The following NCAPG2 variants were observed in gnomAD, a reference collection of about 807,000 sequenced individuals.
NCAPG2 encodes the protein non-SMC condensin II complex subunit G2, also known as condensin-2 complex subunit G2.
In NCAPG2, 53 loss-of-function variants were observed where a neutral mutation model predicts 141.1. The observed-to-expected ratio is 0.38, with a 90% confidence interval of 0.30 to 0.47. The LOEUF (loss-of-function observed/expected upper bound fraction) is 0.47. NCAPG2 is among the 20% of genes least tolerant of loss of function. NCAPG2 has a pLI of 0.99. For synonymous variants in NCAPG2, 499 were observed against 490.7 expected, an observed-to-expected ratio of 1.02 and a Z score of -0.22; for missense variants, 1,087 against 1,389.0, an observed-to-expected ratio of 0.78 and a Z score of 3.46.
chr7:158,658,972 G>C (rs1832247372), intron 16 of NCAPG2, among the ~76,000 whole-genome samples: 1 of 144,250 alleles, frequency 6.9e-6, no homozygotes, highest in Admixed American at 7.1e-5. Context: ...GAGGTCAACA[G>C]TTAGAGGCTA....
At chr7:158,657,747 G>A (rs1832104995) in intron 17 of NCAPG2, among the ~76,000 whole-genome samples, 1 of 152,182 alleles carries the variant, frequency 6.6e-6, no homozygotes, top group African/African-American at 2.4e-5. Flanking sequence ...GAAATTGGAT[G>A]GTTGCCGTGT....
At chr7:158,644,872 T>C (rs939489316) in intron 26 of NCAPG2, among the ~76,000 whole-genome samples, 1 of 152,238 alleles carries the variant, frequency 6.6e-6, no homozygotes, top group Non-Finnish European at 1.5e-5. Context: ...CCTATCCATT[T>C]AGGCTTACAG....
chr7:158,692,685 G>A (rs1257995329), intron 4 of NCAPG2, among the ~76,000 whole-genome samples, 157 bp downstream of exon 4: 1 of 152,240 alleles, frequency 6.6e-6, no homozygotes, highest in Non-Finnish European at 1.5e-5. Context: ...AGGTTGCGGT[G>A]AGCTGAGATC....
intron 16 of NCAPG2, 55 bp from the exon 17 acceptor site, chr7:158,658,463 G>T (rs143420450): frequency 4.1e-6 from 6 of 1,452,526 alleles, no homozygotes; most frequent in Non-Finnish European, 5.6e-6. Context: ...TATAAATTCT[G>T]AAAGTCTCTC....
intron 27 of NCAPG2, among the ~76,000 whole-genome samples, chr7:158,637,112 T>C (rs1022725500): frequency 2.0e-5 from 3 of 152,008 alleles, no homozygotes; most frequent in Non-Finnish European, 4.4e-5. Flanking sequence ...CATGCCCGGC[T>C]AATTTTTTAT....
At position 158,701,943 on chromosome 7, in the gene NCAPG2, T is replaced by C; in HGVS notation, c.-39-5A>G. The C allele has an allele frequency of 6.7e-7, 1 of 1,484,626 alleles. No homozygotes were observed. Among genetic ancestry groups the C allele is most frequent in the Non-Finnish European group, 9.3e-7 (1 of 1,080,870 alleles). 92.0% of individuals were successfully genotyped at this position (1,484,626 alleles called of 1,614,324 possible). ...AATGGCATTTATTTTGTAACCCTAATGGAAAACACAATCATACTGAAACAC... is the reference window on the plus strand; with the variant it reads ...AATGGCATTTATTTTGTAACCCTAACGGAAAACACAATCATACTGAAACAC... On this transcript the variant is annotated splice_polypyrimidine_tract_variant and splice_region_variant and intron_variant, in intron 1 of 27. Coordinates refer to ENST00000356309, the MANE Select transcript of NCAPG2 (RefSeq NM_017760.7).
chr7:158,662,573 C>T (rs1406461035), intron 15 of NCAPG2, among the ~76,000 whole-genome samples: 1 of 152,228 alleles, frequency 6.6e-6, no homozygotes, highest in Non-Finnish European at 1.5e-5. Context: ...ACTGACTCTA[C>T]ATCCTTTAAA....
At chr7:158,687,557 A>T (rs1398926590) in intron 6 of NCAPG2, 115 bp from the exon 7 acceptor site, 3 of 723,172 alleles carry the variant, frequency 4.1e-6, no homozygotes, top group Non-Finnish European at 6.7e-6. Context: ...AAAACGAGGC[A>T]CATGTAATTA....
Position 158,680,732 on chromosome 7 carries a change from TC to T in NCAPG2, c.1008del (p.Trp336Ter), listed in dbSNP as rs1834398779. 1 of 1,577,974 alleles carries T rather than the reference TC, an allele frequency of 6.3e-7. No individual in the cohort carries two copies. Among genetic ancestry groups the T allele is most frequent in the African/African-American group, 1.4e-5 (1 of 73,766 alleles). ...MLYRLYKPILWRGLKARNSEV... is the reference protein window; with the variant it reads ...MLYRLYKPILXRGLKARNSEV... The stretch of plus-strand genomic sequence containing the variant: ...TTTGAAATGTATACCTTTAATCCTC[TC>T]CAAAGGATGGGCTTATATAATCTAT... On this transcript the variant is annotated frameshift_variant, in exon 10 of 28. Transcript: ENST00000356309. LOFTEE classifies it high-confidence loss of function.
chr7:158,667,103 C>G (rs1833023383), intron 13 of NCAPG2: 1 of 978,992 alleles, frequency 1.0e-6, no homozygotes. Context: ...CCTTAACTTT[C>G]AAGGGAAATT....
chr7:158,666,396 T>C (rs1832940534), intron 13 of NCAPG2, among the ~76,000 whole-genome samples: 3 of 152,024 alleles, frequency 2.0e-5, no homozygotes, highest in Admixed American at 2.0e-4. Context: ...AACCAACCTG[T>C]CTGGAAATGC....
chr7:158,636,444 C>A (rs1276380723), intron 27 of NCAPG2, among the ~76,000 whole-genome samples: 1 of 150,636 alleles, frequency 6.6e-6, no homozygotes, highest in African/African-American at 2.4e-5. Flanking sequence ...TCTTAATGCC[C>A]AGGCTGGAGT....
intron 22 of NCAPG2, among the ~76,000 whole-genome samples, chr7:158,653,733 G>C (rs1266732544): frequency 6.6e-6 from 1 of 152,222 alleles, no homozygotes. Flanking sequence ...TTTACTAAAT[G>C]TTATCATTTT....
Position 158,648,745 on chromosome 7 carries a change from C to T in NCAPG2, c.3075+2087G>A, listed in dbSNP as rs1563504644. On this transcript the variant is annotated intron_variant, in intron 24 of 27. Coordinates refer to ENST00000356309, the MANE Select transcript of NCAPG2 (RefSeq NM_017760.7). ...AACCACGCCAAATGGACCACAACCACGCCAAATGGACCACAACCACGCCAA... is the reference window on the plus strand; with the variant it reads ...AACCACGCCAAATGGACCACAACCATGCCAAATGGACCACAACCACGCCAA... Among the ~76,000 whole-genome samples the T allele has an allele frequency of 7.7e-5, 3 of 39,190 alleles. 1 individual carries two copies. Among genetic ancestry groups the T allele is most frequent in the Non-Finnish European group, 1.6e-4 (3 of 18,582 alleles). The allele number at this position is 39,190 out of a possible 152,430, so 25.7% of individuals were successfully genotyped here.
chr7:158,664,068 GT>G, intron 15 of NCAPG2, 115 bp downstream of exon 15: 1 of 809,668 alleles, frequency 1.2e-6, no homozygotes, highest in South Asian at 1.7e-5. Flanking sequence ...AAAATAACTT[GT>G]TTAATTAACA....
rs1587295511 is a variant in NCAPG2, at chr7:158,693,255, T to G, written c.267+54A>C. 3.9e-6 allele frequency: 6 copies of G among 1,549,164 alleles called. No individual in the cohort carries two copies. The East Asian group carries it at 1.3e-4, about 35-fold the overall frequency. On this transcript the variant is annotated intron_variant, in intron 3 of 27. Transcript: ENST00000356309. ...ATTCAATGATACACAGTGAAGTTAT[T>G]TTTTGACAAAAAAAAGAGAAAAACG...
At chr7:158,683,469 A>G (rs1406019451) in intron 8 of NCAPG2, 83 bp from the exon 9 acceptor site, 4 of 885,424 alleles carry the variant, frequency 4.5e-6, no homozygotes, top group African/African-American at 3.5e-5. Flanking sequence ...ATTTGAGTAC[A>G]AAGAGTCTGA....
intron 23 of NCAPG2, 109 bp downstream of exon 23, chr7:158,652,184 G>C (rs1470073156): frequency 3.6e-6 from 4 of 1,125,756 alleles, no homozygotes; most frequent in African/African-American, 3.2e-5. Flanking sequence ...ACACAACACT[G>C]CGTGTCACCC....
intron 6 of NCAPG2, among the ~76,000 whole-genome samples, chr7:158,689,074 A>G (rs1027540858): frequency 6.6e-6 from 1 of 152,216 alleles, no homozygotes; most frequent in African/African-American, 2.4e-5. Context: ...AAACAACTGC[A>G]GAAGGCCCCT....
Sources: gnomAD v4.1 joint callset for allele counts (sites outside exome capture counted in the v4.1 genomes callset) on GRCh38, gnomAD v4.1.1 for gene constraint, MANE v1.5 for transcripts, NCBI Gene and HGNC (gene_info 2026-07-23, HGNC 2026-07-21) for gene names.